The following DCUN1D2 variants were observed in gnomAD, a reference collection of about 807,000 sequenced individuals.
DCUN1D2 encodes the protein defective in cullin neddylation 1 domain containing 2, also known as DCN1-like protein 2.
Under a neutral mutation model 30.9 loss-of-function variants are expected in DCUN1D2, and 29 were observed. The observed-to-expected ratio is 0.94, with a 90% CI of 0.70 to 1.28. DCUN1D2 has a LOEUF of 1.28. Among genes scored for constraint, DCUN1D2 ranks in the 50% most tolerant of loss-of-function variants. DCUN1D2 has a pLI of 0.00. For synonymous variants in DCUN1D2, 121 were observed against 115.3 expected (o/e 1.05, Z -0.32); for missense variants, 325 against 316.9 (o/e 1.03, Z -0.19).
chr13:113,490,658 G>C lies in DCUN1D2; in HGVS notation c.3+9C>G. The C allele has an allele frequency of 8.0e-7, 1 of 1,248,630 alleles. No individual in the cohort carries two copies. Among genetic ancestry groups the C allele is most frequent in the South Asian group, 2.7e-5 (1 of 36,562 alleles). The allele number at this position is 1,248,630 out of a possible 1,614,324, so 77.3% of individuals were successfully genotyped here. On this transcript the variant is annotated intron_variant, in intron 1 of 6. Transcript: ENST00000478244. This position sits in a 1 kb window ranked among gnomAD's most constrained non-coding sequence, Gnocchi z 5.2. Reference sequence around the variant, plus strand: ...CCCCGACGGGCAGAGGCGACGCCGGGCCACCTACCATCTCCCCCGCGCCGC... The same window carrying C: ...CCCCGACGGGCAGAGGCGACGCCGGCCCACCTACCATCTCCCCCGCGCCGC...
At chr13:113,486,538 G>C (rs545940778) in intron 1 of DCUN1D2, among the ~76,000 whole-genome samples, 1 of 152,242 alleles carries the variant, frequency 6.6e-6, no homozygotes, top group Admixed American at 6.5e-5. Context: ...GAACTCCTGA[G>C]ACTAAACACT....
intron 4 of DCUN1D2, among the ~76,000 whole-genome samples, chr13:113,461,689 C>T (rs752603418): frequency 2.0e-4 from 31 of 152,226 alleles, no homozygotes; most frequent in Non-Finnish European, 4.6e-4. Flanking sequence ...GGAAAGCGTT[C>T]TCACTGATGC....
intron 1 of DCUN1D2, among the ~76,000 whole-genome samples, chr13:113,484,437 G>C (rs1017814721): frequency 2.0e-5 from 3 of 152,182 alleles, no homozygotes; most frequent in Non-Finnish European, 2.9e-5. Context: ...GTCTTCTTTG[G>C]TTTCAATAAA....
At chr13:113,473,867 C>T (rs1000569476) in intron 4 of DCUN1D2, among the ~76,000 whole-genome samples, 5 of 152,092 alleles carry the variant, frequency 3.3e-5, no homozygotes, top group Non-Finnish European at 4.4e-5. Flanking sequence ...TAGCCAGATG[C>T]GGTGGTGGAC....
chr13:113,460,634 C>T (rs1566491720), intron 5 of DCUN1D2, among the ~76,000 whole-genome samples: 1 of 152,254 alleles, frequency 6.6e-6, no homozygotes, highest in Non-Finnish European at 1.5e-5. Context: ...GGCACCGCCA[C>T]ATACAATCCG....
At chr13:113,462,667 T>G (rs2044337572) in intron 4 of DCUN1D2, 1 of 824,640 alleles carries the variant, frequency 1.2e-6, no homozygotes. Context: ...TACCCTGGAG[T>G]CTGAATCAGA....
chr13:113,482,188 AAC>A (rs1202229414), intron 2 of DCUN1D2, among the ~76,000 whole-genome samples: 5 of 152,218 alleles, frequency 3.3e-5, no homozygotes, highest in African/African-American at 4.8e-5. Flanking sequence ...TATATTTGTC[AAC>A]AGTCTTAGAA....
At chr13:113,463,056 A>C in intron 4 of DCUN1D2, 1 of 222,676 alleles carries the variant, frequency 4.5e-6, no homozygotes, top group Non-Finnish European at 8.4e-6. Flanking sequence ...TATTATTTAC[A>C]TAAAAATGTT....
chr13:113,480,592 ATCTAGAAATTCCT>A lies in DCUN1D2; in HGVS notation c.359_371del (p.Lys120MetfsTer3). 3 of 1,614,160 alleles carry A rather than the reference ATCTAGAAATTCCT, an allele frequency of 1.9e-6. No homozygotes were observed. The highest frequency in any genetic ancestry group is 1.7e-6 in the Non-Finnish European group (2 of 1,180,014). On this transcript the variant is annotated frameshift_variant, in exon 3 of 7. Transcript: ENST00000478244. LOFTEE classifies it high-confidence loss of function. The stretch of plus-strand genomic sequence containing the variant: ...TGACTTACCCAAGTTCTGTCATGCC[ATCTAGAAATTCCT>A]TTCTGCTAAATTCACACTGAGTTGC...
intron 1 of DCUN1D2, among the ~76,000 whole-genome samples, chr13:113,485,634 C>T (rs898655400): frequency 1.3e-4 from 20 of 152,042 alleles, no homozygotes; most frequent in Admixed American, 1.3e-3. Context: ...CAACCACGTA[C>T]AGCAGAGCCA....
chr13:113,479,654 C>T (rs932845413), intron 3 of DCUN1D2, among the ~76,000 whole-genome samples: 20 of 152,194 alleles, frequency 1.3e-4, no homozygotes, highest in Admixed American at 1.2e-3. Context: ...ACTCAGGAGA[C>T]GGAGTTTGCT....
rs1189125142 is a variant in DCUN1D2 at position 113,458,255 on chromosome 13, C to T, written c.701-147G>A. On this transcript the variant is annotated intron_variant, in intron 6 of 6. Transcript: ENST00000478244. ...TTTGTGTTTCACAGAATGAACCAGC[C>T]CAAGTTACCCAGTTCTTTCGCCCTA... 1.3e-4 allele frequency: 94 copies of T among 734,680 alleles called. No individual in the cohort carries two copies. In the East Asian group the frequency reaches 2.3e-3, roughly 18 times the overall value. 45.5% of individuals were successfully genotyped at this position (734,680 alleles called of 1,614,324 possible).
chr13:113,480,127 TAA>T (rs1401483611), intron 3 of DCUN1D2, among the ~76,000 whole-genome samples: 1 of 152,224 alleles, frequency 6.6e-6, no homozygotes, highest in Non-Finnish European at 1.5e-5. Flanking sequence ...AGAAACACCT[TAA>T]GTTATTAATG....
chr13:113,466,523 AAAT>A (rs2044405066), intron 4 of DCUN1D2, among the ~76,000 whole-genome samples: 1 of 152,208 alleles, frequency 6.6e-6, no homozygotes, highest in African/African-American at 2.4e-5. Context: ...CTCAGAGGCA[AAAT>A]AATAAATCTT....
At chr13:113,461,397 T>TAATCA (rs2044316057) in intron 4 of DCUN1D2, among the ~76,000 whole-genome samples, 1 of 152,240 alleles carries the variant, frequency 6.6e-6, no homozygotes, top group Non-Finnish European at 1.5e-5. Flanking sequence ...ATTAATCAGT[T>TAATCA]TTGGAGACTT....
chr13:113,475,102 G>C (rs1269497133), intron 3 of DCUN1D2, among the ~76,000 whole-genome samples: 1 of 152,186 alleles, frequency 6.6e-6, no homozygotes, highest in Non-Finnish European at 1.5e-5. Flanking sequence ...CGTAAGGAAA[G>C]AACATTGAAG....
At chr13:113,476,964 T>C (rs2044628083) in intron 3 of DCUN1D2, among the ~76,000 whole-genome samples, 1 of 152,192 alleles carries the variant, frequency 6.6e-6, no homozygotes, top group African/African-American at 2.4e-5. Flanking sequence ...TACACGGACT[T>C]CTTTCTGAGC....
intron 4 of DCUN1D2, among the ~76,000 whole-genome samples, chr13:113,469,573 T>C (rs1259753984): frequency 6.6e-6 from 1 of 152,148 alleles, no homozygotes; most frequent in Non-Finnish European, 1.5e-5. Flanking sequence ...CCCAGTTAGC[T>C]GGGAGGCTGA....
rs2044219584 is a variant in DCUN1D2, at chr13:113,455,979, CAAA to C, written c.*2047_*2049del. On this transcript the variant is annotated 3_prime_UTR_variant, in exon 7 of 7. Coordinates refer to ENST00000478244, the MANE Select transcript of DCUN1D2 (RefSeq NM_001014283.2). ...GACAATCCCTTAGAACTTTAAATCTCAAAAACAAAAAAGTACTGTGGATCTCCA... is the reference window on the plus strand; with the variant it reads ...GACAATCCCTTAGAACTTTAAATCTCAACAAAAAAGTACTGTGGATCTCCA... 1 of 379,958 alleles carries C rather than the reference CAAA, an allele frequency of 2.6e-6. No homozygotes were observed. The highest frequency in any genetic ancestry group is 1.5e-4 in the South Asian group (1 of 6,868). The allele number at this position is 379,958 out of a possible 1,614,324, so 23.5% of individuals were successfully genotyped here.
Sources: allele counts gnomAD v4.1 joint callset (sites outside exome capture counted in the v4.1 genomes callset), GRCh38; gene constraint gnomAD v4.1.1; non-coding constraint Gnocchi (gnomAD v3.1); transcripts MANE v1.5; gene names NCBI Gene and HGNC (gene_info 2026-07-23, HGNC 2026-07-21).